CCDC18: variants seen among roughly 807,000 people sequenced by gnomAD.
The protein encoded by CCDC18 is coiled-coil domain-containing protein 18.
In CCDC18, 157 loss-of-function variants were observed where a neutral mutation model predicts 196.0. That is an observed-to-expected ratio of 0.80 (90% confidence interval 0.70 to 0.91). CCDC18 has a LOEUF of 0.91. Ranked by LOEUF, CCDC18 falls within the 40% of genes least tolerant of loss-of-function variation. The probability of loss-of-function intolerance (pLI) is 0.00; values close to 1 mark genes in which losing one functional copy is unlikely to be tolerated. For missense variants in CCDC18, 1,465 were observed against 1,611.6 expected, an observed-to-expected ratio of 0.91 and a Z score of 1.56; for synonymous variants, 482 against 529.2, an observed-to-expected ratio of 0.91 and a Z score of 1.22.
intron 22 of CCDC18, 43 bp downstream of exon 22, chr1:93,246,247 G>A: frequency 7.1e-7 from 1 of 1,406,534 alleles, no homozygotes; most frequent in Non-Finnish European, 9.8e-7. Flanking sequence ...TTTCTGTTAT[G>A]ACACAGTCAC....
At chr1:93,231,818 AAAC>A (rs1253006642) in intron 17 of CCDC18, among the ~76,000 whole-genome samples, 1 of 152,192 alleles carries the variant, frequency 6.6e-6, no homozygotes, top group African/African-American at 2.4e-5. Context: ...ATTATTATAT[AAAC>A]AACAGCAATA....
At chr1:93,232,049 C>T (rs1659319542) in intron 17 of CCDC18, among the ~76,000 whole-genome samples, 2 of 152,192 alleles carry the variant, frequency 1.3e-5, no homozygotes, top group African/African-American at 4.8e-5. Context: ...CTATTTATGA[C>T]TCAAAGTTCA....
chr1:93,265,776 G>A (rs1300285544), intron 27 of CCDC18, among the ~76,000 whole-genome samples: 1 of 152,150 alleles, frequency 6.6e-6, no homozygotes, highest in Non-Finnish European at 1.5e-5. Flanking sequence ...CAATACAGGA[G>A]CACCCAGATT....
intron 28 of CCDC18, chr1:93,273,573 C>G (rs964236074): frequency 6.6e-6 from 1 of 152,318 alleles, no homozygotes; most frequent in Non-Finnish European, 1.5e-5. Flanking sequence ...TACAGGACAT[C>G]TGGCATCATT....
chr1:93,263,494 C>G (rs1423026780), intron 26 of CCDC18, among the ~76,000 whole-genome samples: 1 of 152,172 alleles, frequency 6.6e-6, no homozygotes, highest in Non-Finnish European at 1.5e-5. Flanking sequence ...CTTCAAAGTT[C>G]CACAGATCTC....
At position 93,256,636 on chromosome 1, in the gene CCDC18, A is replaced by G. The variant is rs1570598348; in HGVS notation, c.3546+98A>G. The G allele has an allele frequency of 9.5e-6, 9 of 946,624 alleles. No homozygotes were observed. In the East Asian group the frequency reaches 2.4e-4, roughly 25 times the overall value. 58.6% of individuals were successfully genotyped at this position (946,624 alleles called of 1,614,324 possible). ...TATAGTTCTTTCAAAAATGAACTGT[A>G]TTGCACAACAGTGTGAATGTACTTA... On this transcript the variant is annotated intron_variant, in intron 25 of 28. Coordinates refer to ENST00000690025, the MANE Select transcript of CCDC18 (RefSeq NM_001378204.1).
At chr1:93,256,094 T>C (rs1051391499) in intron 24 of CCDC18, among the ~76,000 whole-genome samples, 1 of 152,192 alleles carries the variant, frequency 6.6e-6, no homozygotes, top group African/African-American at 2.4e-5. Context: ...GTTACAGTGA[T>C]GTAATATATA....
intron 21 of CCDC18, among the ~76,000 whole-genome samples, chr1:93,243,291 C>G (rs1661067122): frequency 6.6e-6 from 1 of 152,260 alleles, no homozygotes; most frequent in Non-Finnish European, 1.5e-5. Context: ...TGGGTAGAAG[C>G]TGCCAAGGCA....
intron 9 of CCDC18, among the ~76,000 whole-genome samples, chr1:93,209,485 G>T (rs1207964510): frequency 1.3e-5 from 2 of 152,168 alleles, no homozygotes; most frequent in African/African-American, 4.8e-5. Flanking sequence ...ATGTTAAACT[G>T]TTATGAACTG....
chr1:93,181,048 G>A (rs1216197572), intron 1 of CCDC18, among the ~76,000 whole-genome samples, 196 bp downstream of exon 1: 1 of 151,948 alleles, frequency 6.6e-6, no homozygotes, highest in Non-Finnish European at 1.5e-5. Context: ...CGGGCGCAGT[G>A]GCTTACGCCT....
chr1:93,202,008 ATT>A lies in CCDC18; in HGVS notation c.795+21_795+22del. The A allele has an allele frequency of 6.7e-7, 1 of 1,483,322 alleles. No homozygotes were observed. Among genetic ancestry groups the A allele is most frequent in the African/African-American group, 1.4e-5 (1 of 71,902 alleles). 91.9% of individuals were successfully genotyped at this position (1,483,322 alleles called of 1,614,324 possible). The stretch of plus-strand genomic sequence containing the variant: ...GAAAAGGTAAAAGGCAGTTGTGCAA[ATT>A]CAGTGTTTTGTATTACTGTCTATAT... On this transcript the variant is annotated intron_variant, in intron 7 of 28. Coordinates refer to ENST00000690025, the MANE Select transcript of CCDC18 (RefSeq NM_001378204.1).
intron 1 of CCDC18, among the ~76,000 whole-genome samples, chr1:93,182,162 G>A (rs1432592797): frequency 6.6e-6 from 1 of 152,184 alleles, no homozygotes; most frequent in Non-Finnish European, 1.5e-5. Flanking sequence ...AAGGGAAAGA[G>A]GATAGAACCA....
chr1:93,214,944 A>G lies in CCDC18; in HGVS notation c.1697A>G (p.Asn566Ser), dbSNP rs370385985. The change falls in exon 12 of 29, where the codon AAC becomes AGC. Residue 566 changes from asparagine (N) to serine (S), a missense_variant. Coordinates refer to ENST00000690025, the MANE Select transcript of CCDC18 (RefSeq NM_001378204.1). Reference sequence around the variant, plus strand: ...GAGGAGCTGCTAGAGAAAGCTTCAAACTCCAGCAAACTGGAAAGTGAAGTA... The same window carrying G: ...GAGGAGCTGCTAGAGAAAGCTTCAAGCTCCAGCAAACTGGAAAGTGAAGTA... ...IQEELLEKAS[N>S]SSKLESEMTK... is the part of the protein sequence containing the mutation. 1 of 1,600,854 alleles carries G rather than the reference A, an allele frequency of 6.2e-7. No homozygotes were observed. The highest frequency in any genetic ancestry group is 1.1e-5 in the South Asian group (1 of 89,416).
chr1:93,275,500 T>A (rs1187774443), intron 28 of CCDC18, among the ~76,000 whole-genome samples: 2 of 152,182 alleles, frequency 1.3e-5, no homozygotes, highest in African/African-American at 4.8e-5. Context: ...AAGTATGACA[T>A]TGCATTGGTC....
At chr1:93,186,711 T>G (rs1328112579) in intron 4 of CCDC18, among the ~76,000 whole-genome samples, 1 of 152,014 alleles carries the variant, frequency 6.6e-6, no homozygotes, top group African/African-American at 2.4e-5. Flanking sequence ...AGTTTTTGCA[T>G]TTAGATAAGT....
chr1:93,210,799 C>A lies in CCDC18; in HGVS notation c.1210-3C>A, dbSNP rs532282779. On this transcript the variant is annotated splice_region_variant and splice_polypyrimidine_tract_variant and intron_variant, in intron 9 of 28. Transcript: ENST00000690025. ...TTACATATGTTTGTTTTTAAACTTG[C>A]AGTTAAAAAGAGAATTATTTGGCTT... is the stretch of plus-strand genomic sequence containing the variant. 17 of 1,579,364 alleles carry A rather than the reference C, an allele frequency of 1.1e-5. No homozygotes were observed. The highest frequency in any genetic ancestry group is 1.5e-5 in the Non-Finnish European group (17 of 1,151,362).
Position 93,184,070 on chromosome 1 carries a change from T to C in CCDC18, c.227T>C (p.Leu76Ser). 6.3e-7 allele frequency: 1 copy of C among 1,589,102 alleles called. No individual in the cohort carries two copies. Among genetic ancestry groups the C allele is most frequent in the Non-Finnish European group, 8.6e-7 (1 of 1,164,464 alleles). ...GTTCAGCCTAGCCACCCTGGACTTTTGAATTATTCACCTTATGAAAACGTC... is the reference window on the plus strand; with the variant it reads ...GTTCAGCCTAGCCACCCTGGACTTTCGAATTATTCACCTTATGAAAACGTC... The part of the protein sequence containing the change: ...LDVQPSHPGL[L>S]NYSPYENVCK... The change falls in exon 3 of 29, where the codon TTG becomes TCG. Residue 76 changes from leucine to serine, a missense_variant. Coordinates refer to ENST00000690025, the MANE Select transcript of CCDC18 (RefSeq NM_001378204.1).
chr1:93,223,388 T>A (rs1243050390), intron 16 of CCDC18, among the ~76,000 whole-genome samples: 1 of 152,216 alleles, frequency 6.6e-6, no homozygotes, highest in Non-Finnish European at 1.5e-5. Context: ...ATTCTACACA[T>A]AAGTTATTTA....
At chr1:93,251,953 GTTTATTCCTT>G (rs1276715939) in intron 23 of CCDC18, among the ~76,000 whole-genome samples, 5 of 151,594 alleles carry the variant, frequency 3.3e-5, no homozygotes, top group African/African-American at 1.2e-4. Context: ...CATAAGCTTT[GTTTATTCCTT>G]TTTATTCCTT....
Sources: allele counts gnomAD v4.1 joint callset (sites outside exome capture counted in the v4.1 genomes callset), GRCh38; gene constraint gnomAD v4.1.1; transcripts MANE v1.5; gene names NCBI Gene and HGNC (gene_info 2026-07-23, HGNC 2026-07-21).